GLRA3: variants seen among roughly 807,000 people sequenced by gnomAD.
The protein encoded by GLRA3 is glycine receptor subunit alpha-3.
A neutral mutation model predicts 60.4 loss-of-function variants in GLRA3; 44 were observed. That is an observed-to-expected ratio of 0.73 (90% confidence interval 0.57 to 0.94). GLRA3 has a LOEUF of 0.94. Among genes scored for constraint, GLRA3 ranks in the 40% least tolerant of loss-of-function variants. GLRA3 has a pLI of 0.00. For synonymous variants in GLRA3, 223 were observed against 192.9 expected, an observed-to-expected ratio of 1.16 and a Z score of -1.29; for missense variants, 508 against 564.6, an observed-to-expected ratio of 0.90 and a Z score of 1.02.
At chr4:174,807,046 A>G (rs1361235150) in intron 1 of GLRA3, among the ~76,000 whole-genome samples, 1 of 152,076 alleles carries the variant, frequency 6.6e-6, no homozygotes, top group Non-Finnish European at 1.5e-5. Flanking sequence ...AATAGCCAGT[A>G]TGATGAAATA....
chr4:174,746,259 G>A (rs1416420619), intron 3 of GLRA3, among the ~76,000 whole-genome samples: 4 of 152,060 alleles, frequency 2.6e-5, no homozygotes, highest in Non-Finnish European at 5.9e-5. Flanking sequence ...CTATTAACAG[G>A]TGAATGAGTA....
intron 5 of GLRA3, among the ~76,000 whole-genome samples, chr4:174,701,638 A>C (rs926749367): frequency 3.9e-5 from 6 of 152,222 alleles, no homozygotes; most frequent in African/African-American, 1.4e-4. Flanking sequence ...ACATGTAACA[A>C]TTCACTATTC....
intron 7 of GLRA3, among the ~76,000 whole-genome samples, chr4:174,667,484 A>G (rs1029528571): frequency 6.6e-6 from 1 of 152,150 alleles, no homozygotes; most frequent in Admixed American, 6.6e-5. Flanking sequence ...TTAGGGTATG[A>G]CAAAGAATAA....
chr4:174,689,517 T>G (rs906732308), intron 5 of GLRA3, among the ~76,000 whole-genome samples: 2 of 151,890 alleles, frequency 1.3e-5, no homozygotes, highest in Non-Finnish European at 2.9e-5. Flanking sequence ...AGAGTATCCA[T>G]TACCCAAATA....
intron 5 of GLRA3, among the ~76,000 whole-genome samples, chr4:174,697,118 G>A (rs1225246437): frequency 6.6e-6 from 1 of 152,122 alleles, no homozygotes; most frequent in African/African-American, 2.4e-5. Flanking sequence ...TACACAACGG[G>A]TAAATATATA....
chr4:174,741,694 T>C (rs1053727584), intron 3 of GLRA3, among the ~76,000 whole-genome samples: 1 of 152,192 alleles, frequency 6.6e-6, no homozygotes. Context: ...TATGTTTTTG[T>C]TTTCTTCTAA....
intron 9 of GLRA3, among the ~76,000 whole-genome samples, chr4:174,651,252 C>A (rs12502221): frequency 6.6e-6 from 1 of 151,788 alleles, no homozygotes. Context: ...AAGGCTTAAA[C>A]GGATATTGGA....
chr4:174,775,140 C>G (rs1738548246), intron 2 of GLRA3, among the ~76,000 whole-genome samples: 1 of 152,106 alleles, frequency 6.6e-6, no homozygotes, highest in Admixed American at 6.6e-5. Context: ...GCTTATTATT[C>G]AAGAGATACT....
chr4:174,721,007 T>TGTGTGTGTG (rs1736107923), intron 4 of GLRA3, among the ~76,000 whole-genome samples: 6 of 141,558 alleles, frequency 4.2e-5, no homozygotes, highest in African/African-American at 1.5e-4. Context: ...TGTGTGAACT[T>TGTGTGTGTG]TGTGTGTGTG....
intron 3 of GLRA3, among the ~76,000 whole-genome samples, chr4:174,732,115 G>A (rs775571477): frequency 6.6e-6 from 1 of 152,162 alleles, no homozygotes; most frequent in South Asian, 2.1e-4. Flanking sequence ...CCAGCACTTC[G>A]GGAGGCCGAG....
intron 1 of GLRA3, among the ~76,000 whole-genome samples, chr4:174,801,289 C>G (rs1184880771): frequency 6.6e-6 from 1 of 152,022 alleles, no homozygotes; most frequent in Non-Finnish European, 1.5e-5. Context: ...ACTTTTTTCT[C>G]TAATGACACG....
At chr4:174,710,189 T>C (rs922050867) in intron 5 of GLRA3, among the ~76,000 whole-genome samples, 10 of 152,048 alleles carry the variant, frequency 6.6e-5, no homozygotes, top group Non-Finnish European at 1.0e-4. Flanking sequence ...AGAAATTTCA[T>C]TGATTTTCAT....
chr4:174,653,985 G>A (rs888692046), intron 9 of GLRA3, among the ~76,000 whole-genome samples: 13 of 152,150 alleles, frequency 8.5e-5, no homozygotes, highest in South Asian at 2.1e-4. Context: ...GAGAGGATGC[G>A]ATTTCAACTC....
chr4:174,642,528 A>G lies in GLRA3; in HGVS notation c.*1258T>C. 1 of 974,956 alleles carries G rather than the reference A, an allele frequency of 1.0e-6. No individual in the cohort carries two copies. The highest frequency in any genetic ancestry group is 1.2e-6 in the Non-Finnish European group (1 of 820,444). 60.4% of individuals were successfully genotyped at this position (974,956 alleles called of 1,614,324 possible). A position where few individuals can be genotyped will look rare whatever the true frequency, so the allele number is the denominator to read the frequency against. ...AGAACTCTATCATACATTTGCACCC[A>G]ATTACACTGCAAAAAACAAGTTACT... On this transcript the variant is annotated 3_prime_UTR_variant, in exon 10 of 10. Transcript: ENST00000274093.
chr4:174,823,748 GA>G (rs1465921163), intron 1 of GLRA3, among the ~76,000 whole-genome samples: 1 of 152,050 alleles, frequency 6.6e-6, no homozygotes, highest in African/African-American at 2.4e-5. Context: ...TGTAAATATG[GA>G]CTAGTTTATT....
intron 2 of GLRA3, among the ~76,000 whole-genome samples, chr4:174,785,018 A>G (rs554825473): frequency 4.7e-4 from 71 of 152,282 alleles, no homozygotes; most frequent in Non-Finnish European, 9.1e-4. Context: ...ATTGATTTAA[A>G]TAATGTTCGA....
intron 3 of GLRA3, among the ~76,000 whole-genome samples, chr4:174,733,644 G>A (rs967754692): frequency 2.0e-5 from 3 of 152,106 alleles, no homozygotes; most frequent in Non-Finnish European, 4.4e-5. Context: ...ATTCAAACGA[G>A]GCAACCTTAA....
At chr4:174,821,566 G>A (rs1447339026) in intron 1 of GLRA3, among the ~76,000 whole-genome samples, 1 of 151,940 alleles carries the variant, frequency 6.6e-6, no homozygotes, top group Admixed American at 6.6e-5. Context: ...TATATAGAGA[G>A]AGTACATAAG....
At chr4:174,808,242 A>C (rs1182349480) in intron 1 of GLRA3, among the ~76,000 whole-genome samples, 1 of 152,156 alleles carries the variant, frequency 6.6e-6, no homozygotes, top group Non-Finnish European at 1.5e-5. Flanking sequence ...GTATGGATAT[A>C]CAGTCATGCA....
Sources: allele counts gnomAD v4.1 joint callset (sites outside exome capture counted in the v4.1 genomes callset), GRCh38; gene constraint gnomAD v4.1.1; transcripts MANE v1.5; gene names NCBI Gene and HGNC (gene_info 2026-07-23, HGNC 2026-07-21).